ME3: variants seen among roughly 807,000 people sequenced by gnomAD.
ME3 encodes malic enzyme 3.
Under a neutral mutation model 68.9 loss-of-function variants are expected in ME3, and 48 were observed. That is an observed-to-expected ratio of 0.70 (90% CI 0.55 to 0.89). The LOEUF (loss-of-function observed/expected upper bound fraction) is 0.89, where lower values mean the gene tolerates loss of function less well. Among genes scored for constraint, ME3 ranks in the 40% least tolerant of loss-of-function variants. The pLI is 0.00. For missense variants in ME3, 675 were observed against 797.4 expected (o/e 0.85, Z 1.85); for synonymous variants, 320 against 318.8 (o/e 1.00, Z -0.04).
chr11:86,463,586 C>G (rs1328667566), intron 8 of ME3, among the ~76,000 whole-genome samples: 1 of 152,224 alleles, frequency 6.6e-6, no homozygotes, highest in Admixed American at 6.5e-5. Flanking sequence ...GCAGGGGGCA[C>G]CATGTCCCAG....
chr11:86,470,302 C>G (rs974475400), intron 7 of ME3, among the ~76,000 whole-genome samples: 3 of 152,098 alleles, frequency 2.0e-5, no homozygotes, highest in Admixed American at 6.5e-5. Context: ...TCCCCTCCCC[C>G]CAGAAAAAAA....
chr11:86,518,309 A>C (rs1954030642), intron 4 of ME3, among the ~76,000 whole-genome samples: 1 of 152,194 alleles, frequency 6.6e-6, no homozygotes, highest in Non-Finnish European at 1.5e-5. Flanking sequence ...TAACCTCTCC[A>C]TACCAGGTGA....
intron 4 of ME3, among the ~76,000 whole-genome samples, chr11:86,512,309 A>G (rs1953591853): frequency 6.6e-6 from 1 of 152,224 alleles, no homozygotes; most frequent in Non-Finnish European, 1.5e-5. Flanking sequence ...AAAGTACTCC[A>G]TCCCTACATA....
the ME3 span, chr11:86,435,245 A>T: frequency 6.6e-6 from 1 of 152,244 alleles, no homozygotes; most frequent in African/African-American, 2.4e-5. Context: ...TAATTTTGAA[A>T]ATCTCTCTAG....
At chr11:86,463,847 A>G (rs61904380) in intron 8 of ME3, among the ~76,000 whole-genome samples, 8,662 of 152,278 alleles carry the variant, frequency 0.057, 347 homozygotes, top group Middle Eastern at 0.082. Flanking sequence ...ATAGACTGCA[A>G]TTTAGAGTCT....
intron 4 of ME3, among the ~76,000 whole-genome samples, chr11:86,517,515 A>T (rs186308299): frequency 2.0e-5 from 3 of 152,124 alleles, no homozygotes; most frequent in African/African-American, 7.2e-5. Context: ...GCTCAGTTCC[A>T]ATTTAATCAG....
At chr11:86,441,521 G>T in intron 14 of ME3, 81 bp from the exon 15 acceptor site, 1 of 1,358,972 alleles carries the variant, frequency 7.4e-7, no homozygotes. Context: ...GCATGGGGGA[G>T]GGGAATACAC....
intron 4 of ME3, among the ~76,000 whole-genome samples, chr11:86,528,818 G>C (rs1019989961): frequency 6.6e-5 from 10 of 152,050 alleles, no homozygotes; most frequent in African/African-American, 1.9e-4. Context: ...CGAGAACAAA[G>C]ACACAACATG....
intron 4 of ME3, among the ~76,000 whole-genome samples, chr11:86,541,255 C>T (rs979603977): frequency 1.3e-5 from 2 of 151,190 alleles, no homozygotes; most frequent in Admixed American, 1.3e-4. Flanking sequence ...TTTTTTTTTT[C>T]ATACCCCAGT....
rs146688832 is a variant in ME3, at chr11:86,499,459, T to A, written c.544-1335A>T. On this transcript the variant is annotated intron_variant, in intron 5 of 14. Transcript: ENST00000543262. ...CTTTGGATCCATTCTAGGCTACAAA[T>A]GTCCTGATGGGCTATGAACACCATA... Among the ~76,000 whole-genome samples, 669 of 152,284 alleles carry A rather than the reference T, an allele frequency of 4.4e-3. 2 individuals are homozygous for A. Among genetic ancestry groups the A allele is most frequent in the African/African-American group, 0.015 (614 of 41,548 alleles).
downstream of ME3, among the ~76,000 whole-genome samples, chr11:86,437,961 T>C (rs756922533): frequency 7.9e-5 from 12 of 152,176 alleles, no homozygotes; most frequent in Non-Finnish European, 1.5e-4. Flanking sequence ...TTTCCAATCT[T>C]GACACCTTTA....
At position 86,450,066 on chromosome 11, in the gene ME3, TG is replaced by T. The variant is rs549156692; in HGVS notation, c.1018-65del. The T allele has an allele frequency of 5.6e-5, 74 of 1,322,266 alleles. No homozygotes were observed. The East Asian group carries it at 1.6e-3, about 29-fold the overall frequency. The allele number at this position is 1,322,266 out of a possible 1,614,324, so 81.9% of individuals were successfully genotyped here. ...AAACAGCTGCTGAACATTTATCTGATGTCTTGCCATAAGGACCCCCTTTTCT... is the reference window on the plus strand; with the variant it reads ...AAACAGCTGCTGAACATTTATCTGATTCTTGCCATAAGGACCCCCTTTTCT... On this transcript the variant is annotated intron_variant, in intron 9 of 14. Coordinates refer to ENST00000543262, the Ensembl canonical transcript of ME3.
chr11:86,512,762 G>A (rs1953636152), intron 4 of ME3, among the ~76,000 whole-genome samples: 1 of 152,144 alleles, frequency 6.6e-6, no homozygotes, highest in Non-Finnish European at 1.5e-5. Context: ...AAGTGGGGCA[G>A]GGTAGGTATT....
intron 2 of ME3, among the ~76,000 whole-genome samples, chr11:86,653,197 G>GT (rs879794955): frequency 1.3e-5 from 2 of 152,050 alleles, no homozygotes; most frequent in Non-Finnish European, 2.9e-5. Context: ...GAGACAGAAA[G>GT]TTAACAAGGA....
chr11:86,443,189 G>T (rs529602760), intron 13 of ME3, among the ~76,000 whole-genome samples: 12 of 152,352 alleles, frequency 7.9e-5, no homozygotes, highest in African/African-American at 2.9e-4. Flanking sequence ...GAATAAATCT[G>T]TGGCCTGCAA....
At chr11:86,479,476 T>TA (rs1951269011) in intron 7 of ME3, among the ~76,000 whole-genome samples, 1 of 152,250 alleles carries the variant, frequency 6.6e-6, no homozygotes, top group Admixed American at 6.5e-5. Flanking sequence ...TAACCTTATT[T>TA]AAAATCACTG....
chr11:86,498,175 G>A (rs779553444), intron 5 of ME3, 51 bp from the exon 6 acceptor site: 2 of 1,557,684 alleles, frequency 1.3e-6, no homozygotes, highest in East Asian at 4.7e-5. Context: ...CCTGTGACAG[G>A]GTGCTCATTT....
intron 2 of ME3, among the ~76,000 whole-genome samples, chr11:86,605,080 A>G (rs1180104469): frequency 6.6e-6 from 1 of 152,192 alleles, no homozygotes; most frequent in African/African-American, 2.4e-5. Context: ...TGGATATTTC[A>G]TACAAACGGA....
chr11:86,472,018 T>C (rs1166220338), intron 7 of ME3, among the ~76,000 whole-genome samples: 3 of 151,942 alleles, frequency 2.0e-5, no homozygotes, highest in Non-Finnish European at 4.4e-5. Flanking sequence ...GGAGAGGCAA[T>C]GAGGGCTTCA....
Sources: allele counts gnomAD v4.1 joint callset (sites outside exome capture counted in the v4.1 genomes callset), GRCh38; gene constraint gnomAD v4.1.1; transcripts MANE v1.5; gene names NCBI Gene and HGNC (gene_info 2026-07-23, HGNC 2026-07-21).